FUBP1: variants seen among roughly 807,000 people sequenced by gnomAD.
FUBP1 encodes far upstream element binding protein 1, also known as far upstream element-binding protein 1.
In FUBP1, 16 loss-of-function variants were observed where a neutral mutation model predicts 94.9. That is an observed-to-expected ratio of 0.17 (90% CI 0.11 to 0.26). FUBP1 has a LOEUF of 0.26. FUBP1 is among the 10% of genes least tolerant of loss of function. The pLI is 1.00. For missense variants in FUBP1, 583 were observed against 808.6 expected, an observed-to-expected ratio of 0.72 and a Z score of 3.38; for synonymous variants, 279 against 254.9, an observed-to-expected ratio of 1.09 and a Z score of -0.90.
At position 77,948,517 on chromosome 1, in the gene FUBP1, T is replaced by C; in HGVS notation, c.*249A>G. 2.4e-6 allele frequency: 3 copies of C among 1,236,544 alleles called. No individual in the cohort carries two copies. Among genetic ancestry groups the C allele is most frequent in the Non-Finnish European group, 3.1e-6 (3 of 982,084 alleles). 76.6% of individuals were successfully genotyped at this position (1,236,544 alleles called of 1,614,324 possible). On this transcript the variant is annotated 3_prime_UTR_variant, in exon 20 of 20. Coordinates refer to ENST00000370768, the MANE Select transcript of FUBP1 (RefSeq NM_003902.5). ...CATCAACCACATAATTGCAAATACA[T>C]TTGCTGGAATGTGTACATCTACACT...
chr1:77,955,483 A>C, intron 17 of FUBP1, 154 bp from the exon 18 acceptor site: 1 of 600,950 alleles, frequency 1.7e-6, no homozygotes. Context: ...TAACAGTGCC[A>C]AAGATAGAAG....
intron 1 of FUBP1, among the ~76,000 whole-genome samples, chr1:77,976,074 G>C (rs1174813123): frequency 1.3e-5 from 2 of 152,180 alleles, no homozygotes; most frequent in African/African-American, 4.8e-5. Context: ...AGGAAACTAT[G>C]CCTATATCTC....
At chr1:77,964,481 A>G (rs1656102328) in intron 10 of FUBP1, 125 bp from the exon 11 acceptor site, 6 of 676,256 alleles carry the variant, frequency 8.9e-6, no homozygotes, top group Admixed American at 2.9e-5. Flanking sequence ...ATATAATTCT[A>G]TATTTATAGT....
chr1:77,960,271 G>A lies in FUBP1; in HGVS notation c.1497-8C>T, dbSNP rs756577455. 5 of 1,612,748 alleles carry A rather than the reference G, an allele frequency of 3.1e-6. No individual in the cohort carries two copies. The South Asian group carries it at 5.5e-5, about 18-fold the overall frequency. ...TATGGGGCTGGAGGACCACTGAAAA[G>A]AAAAATCAGCATAAAAAACAGTCCC... On this transcript the variant is annotated splice_polypyrimidine_tract_variant and splice_region_variant and intron_variant, in intron 15 of 19. Coordinates refer to ENST00000370768, the MANE Select transcript of FUBP1 (RefSeq NM_003902.5).
intron 1 of FUBP1, 123 bp downstream of exon 1, chr1:77,978,762 T>C (rs745539124): frequency 1.6e-6 from 2 of 1,230,310 alleles, no homozygotes; most frequent in Non-Finnish European, 2.4e-6. Flanking sequence ...AACGTGTCTC[T>C]TCACATTTCA....
At chr1:77,966,986 G>A (rs1454078746) in intron 5 of FUBP1, 31 bp from the exon 6 acceptor site, 1 of 1,547,242 alleles carries the variant, frequency 6.5e-7, no homozygotes, top group Admixed American at 1.7e-5. Flanking sequence ...TTTTTTTTTG[G>A]TTGAAAGATT....
intron 1 of FUBP1, among the ~76,000 whole-genome samples, chr1:77,973,012 TA>T (rs59664058): frequency 0.056 from 7,475 of 134,678 alleles, 282 homozygotes; most frequent in East Asian, 0.23. Context: ...CTCCATCTCT[TA>T]AAAAAAAAAA....
rs2102404322 is a variant in FUBP1, at chr1:77,965,190, C to T, written c.515G>A (p.Arg172Lys). The change falls in exon 8 of 20, where the codon AGA (arginine) becomes AAA (lysine). Residue 172 changes from arginine (R) to lysine (K), a missense_variant. Arg to Lys is a conservative substitution (Grantham distance 26). Coordinates refer to ENST00000370768, the MANE Select transcript of FUBP1 (RefSeq NM_003902.5). ...GCCATGATGGAAGCCAGGAGCTGGTCTTCCTTTTTCAACAATCTGGTCCAG... is the reference window on the plus strand; with the variant it reads ...GCCATGATGGAAGCCAGGAGCTGGTTTTCCTTTTTCAACAATCTGGTCCAG... ...RLLDQIVEKGRPAPGFHHGDG... is the reference protein window; with the variant it reads ...RLLDQIVEKGKPAPGFHHGDG... 2.5e-6 allele frequency: 4 copies of T among 1,611,270 alleles called. No individual in the cohort carries two copies. The highest frequency in any genetic ancestry group is 3.4e-6 in the Non-Finnish European group (4 of 1,177,640).
At chr1:77,979,202 G>T (rs111774384), upstream of FUBP1, 1 of 578,144 alleles carries the variant, frequency 1.7e-6, no homozygotes, top group African/African-American at 1.9e-5. Context: ...GGCTGAGAAA[G>T]AACGACAGGA....
Position 77,944,918 on chromosome 1 carries a change from C to T in FUBP1, c.*3848G>A, listed in dbSNP as rs1463719211. Among the ~76,000 whole-genome samples the T allele has an allele frequency of 6.6e-6, 1 of 151,824 alleles. No individual in the cohort carries two copies. Among genetic ancestry groups the T allele is most frequent in the African/African-American group, 2.4e-5 (1 of 41,372 alleles). On this transcript the variant is annotated 3_prime_UTR_variant, in exon 20 of 20. Transcript: ENST00000370768. ...TCAAACCATAGAATTCTAAGTATCACCACACTAAGCTGTCTTAAAAAAAAC... is the reference window on the plus strand; with the variant it reads ...TCAAACCATAGAATTCTAAGTATCATCACACTAAGCTGTCTTAAAAAAAAC...
At chr1:77,965,790 T>G (rs971686887) in intron 7 of FUBP1, among the ~76,000 whole-genome samples, 3 of 152,208 alleles carry the variant, frequency 2.0e-5, no homozygotes, top group African/African-American at 7.2e-5. Context: ...GGCTCACGCC[T>G]GTAATCCCAG....
intron 1 of FUBP1, among the ~76,000 whole-genome samples, 171 bp downstream of exon 1, chr1:77,978,714 T>C (rs555097722): frequency 4.6e-5 from 7 of 152,318 alleles, no homozygotes; most frequent in Non-Finnish European, 7.3e-5. Flanking sequence ...AACACAAAAC[T>C]GGGTTCTGGT....
intron 16 of FUBP1, among the ~76,000 whole-genome samples, chr1:77,958,919 A>G (rs1189817408): frequency 3.3e-5 from 5 of 152,202 alleles, no homozygotes; most frequent in African/African-American, 1.2e-4. Flanking sequence ...AGAGTATTAT[A>G]TCCTGTACCC....
chr1:77,969,819 C>A (rs990973173), intron 2 of FUBP1, 106 bp downstream of exon 2: 1 of 502,710 alleles, frequency 2.0e-6, no homozygotes, highest in Non-Finnish European at 3.5e-6. Context: ...ATTTTAACAA[C>A]CTTATAATAA....
chr1:77,965,147 T>G lies in FUBP1; in HGVS notation c.558A>C (p.Ala186=). The change falls in exon 8 of 20, where the codon GCA becomes GCC. Residue 186 remains alanine, a synonymous_variant. Transcript: ENST00000370768. ...TAGCTGGAATCATGATTTCTTGAAC[T>G]GCATTTCCCGGTCCATCGCCATGAT... ...GFHHGDGPGN[A]VQEIMIPASK... The G allele has an allele frequency of 1.2e-6, 2 of 1,612,406 alleles. No individual in the cohort carries two copies. Among genetic ancestry groups the G allele is most frequent in the Non-Finnish European group, 1.7e-6 (2 of 1,178,450 alleles).
chr1:77,948,350 T>C lies in FUBP1; in HGVS notation c.*416A>G, dbSNP rs1652622297. 2 of 1,055,452 alleles carry C rather than the reference T, an allele frequency of 1.9e-6. No individual in the cohort carries two copies. The highest frequency in any genetic ancestry group is 1.6e-5 in the African/African-American group (1 of 60,878). 65.4% of individuals were successfully genotyped at this position (1,055,452 alleles called of 1,614,324 possible). ...TGTGTATATGTATCTTAATTTATCA[T>C]TGCTAAGAAATTATGAATCCTTTAA... On this transcript the variant is annotated 3_prime_UTR_variant, in exon 20 of 20. Transcript: ENST00000370768.
At chr1:77,971,986 C>T (rs1015468361) in intron 1 of FUBP1, among the ~76,000 whole-genome samples, 4 of 135,322 alleles carry the variant, frequency 3.0e-5, no homozygotes, top group African/African-American at 8.7e-5. Flanking sequence ...GCCTGGGCAA[C>T]GGCATGAGAC....
chr1:77,975,233 A>C (rs1209366379), intron 1 of FUBP1, among the ~76,000 whole-genome samples: 1 of 152,220 alleles, frequency 6.6e-6, no homozygotes, highest in Non-Finnish European at 1.5e-5. Context: ...TTGAGTACCT[A>C]CTATAGGCAA....
chr1:77,975,477 A>T (rs1251987774), intron 1 of FUBP1, among the ~76,000 whole-genome samples: 1 of 152,212 alleles, frequency 6.6e-6, no homozygotes, highest in Non-Finnish European at 1.5e-5. Flanking sequence ...ATGCAGCCTA[A>T]ATCACTTTTA....
Sources: allele counts gnomAD v4.1 joint callset (sites outside exome capture counted in the v4.1 genomes callset), GRCh38; gene constraint gnomAD v4.1.1; transcripts MANE v1.5; gene names NCBI Gene and HGNC (gene_info 2026-07-23, HGNC 2026-07-21).